CDKAL1: variants seen among roughly 807,000 people sequenced by gnomAD.
CDKAL1 encodes CDKAL1 threonylcarbamoyladenosine tRNA methylthiotransferase.
CDKAL1 carries 32 observed loss-of-function variants against 68.2 expected under a neutral mutation model. That is an observed-to-expected ratio of 0.47 (90% confidence interval 0.35 to 0.63). CDKAL1 has a LOEUF of 0.63. CDKAL1 is among the 30% of genes least tolerant of loss of function. The pLI is 0.00. For synonymous variants in CDKAL1, 234 were observed against 244.3 expected, an observed-to-expected ratio of 0.96 and a Z score of 0.39; for missense variants, 606 against 696.7, an observed-to-expected ratio of 0.87 and a Z score of 1.47.
intron 13 of CDKAL1, among the ~76,000 whole-genome samples, chr6:21,183,956 G>A (rs1198123060): frequency 6.6e-6 from 1 of 151,892 alleles, no homozygotes; most frequent in East Asian, 1.9e-4. Flanking sequence ...GCCATGAGAG[G>A]AAGCAGGGAC....
chr6:20,840,056 G>A (rs1234686032), intron 8 of CDKAL1, among the ~76,000 whole-genome samples: 1 of 152,180 alleles, frequency 6.6e-6, no homozygotes, highest in African/African-American at 2.4e-5. Flanking sequence ...AGTACAATTG[G>A]TGATAAAGGA....
chr6:20,644,720 G>T lies in CDKAL1; in HGVS notation c.287-4573G>T, dbSNP rs183374343. On this transcript the variant is annotated intron_variant, in intron 4 of 15. Transcript: ENST00000274695. ...CAAAAAAAAGAATCTCCTATGTTCAGCGGGAAAGGAATATTTGTTGGGTGG... is the reference window on the plus strand; with the variant it reads ...CAAAAAAAAGAATCTCCTATGTTCATCGGGAAAGGAATATTTGTTGGGTGG... 4.4e-3 allele frequency among the ~76,000 whole-genome samples: 669 copies of T among 152,250 alleles called. 5 individuals carry two copies. The highest frequency in any genetic ancestry group is 0.015 in the African/African-American group (635 of 41,550).
chr6:20,597,159 C>T (rs893805956), intron 4 of CDKAL1, among the ~76,000 whole-genome samples: 4 of 152,124 alleles, frequency 2.6e-5, no homozygotes, highest in South Asian at 2.1e-4. Flanking sequence ...GACGGAGTCT[C>T]GCTTTGTCGC....
Position 20,539,674 on chromosome 6 carries a change from G to A in CDKAL1, c.-6+4280G>A, listed in dbSNP as rs559316167. On this transcript the variant is annotated intron_variant, in intron 2 of 15. Transcript: ENST00000274695. The surrounding 1 kb of genome is among the most constrained non-coding windows in gnomAD (Gnocchi z 4.3). Reference sequence around the variant, plus strand: ...CAAAGCCTGCATGACTGAGGGGAGCGTGGTAGGAAGTGGGGCCAGAGATGC... The same window carrying A: ...CAAAGCCTGCATGACTGAGGGGAGCATGGTAGGAAGTGGGGCCAGAGATGC... 7.2e-5 allele frequency among the ~76,000 whole-genome samples: 11 copies of A among 152,266 alleles called. No individual in the cohort carries two copies. In the East Asian group the frequency reaches 7.7e-4, roughly 11 times the overall value.
chr6:20,655,735 G>A (rs550170452), intron 5 of CDKAL1, among the ~76,000 whole-genome samples: 40 of 152,194 alleles, frequency 2.6e-4, no homozygotes, highest in East Asian at 1.9e-4. Context: ...CCATGAAGCC[G>A]GTTCTTGGTG....
intron 12 of CDKAL1, among the ~76,000 whole-genome samples, chr6:21,089,807 G>A (rs1772903143): frequency 6.6e-6 from 1 of 152,224 alleles, no homozygotes; most frequent in African/African-American, 2.4e-5. Context: ...TATAAGCCAG[G>A]TTAAGGTCTG....
chr6:20,914,158 C>G lies in CDKAL1; in HGVS notation c.743-41261C>G, dbSNP rs932824225. ...CAAAAAAATTAGCTGGGCGTGGTGG[C>G]AGGCGCCTGTAGTCCCAGCTACTCG... On this transcript the variant is annotated intron_variant, in intron 9 of 15. Coordinates refer to ENST00000274695, the MANE Select transcript of CDKAL1 (RefSeq NM_017774.3). 1.3e-4 allele frequency among the ~76,000 whole-genome samples: 19 copies of G among 151,862 alleles called. No homozygotes were observed. The South Asian group carries it at 2.1e-3, about 17-fold the overall frequency.
At chr6:20,791,001 A>G (rs1221991527) in intron 8 of CDKAL1, among the ~76,000 whole-genome samples, 2 of 152,188 alleles carry the variant, frequency 1.3e-5, no homozygotes, top group East Asian at 3.8e-4. Flanking sequence ...ATCAGAGGGA[A>G]GTGTGCCAAA....
intron 4 of CDKAL1, among the ~76,000 whole-genome samples, chr6:20,575,118 T>A (rs1386572787): frequency 1.3e-5 from 2 of 151,956 alleles, no homozygotes; most frequent in Admixed American, 1.3e-4. Flanking sequence ...AAAAATAAAG[T>A]TAGGACATTT....
intron 9 of CDKAL1, among the ~76,000 whole-genome samples, chr6:20,906,243 TTTTAA>T (rs1331043197): frequency 6.6e-6 from 1 of 152,196 alleles, no homozygotes; most frequent in African/African-American, 2.4e-5. Flanking sequence ...AGTTTTTTTT[TTTTAA>T]TTTATGTTTT....
At chr6:20,640,942 G>A (rs1768144679) in intron 4 of CDKAL1, among the ~76,000 whole-genome samples, 1 of 152,030 alleles carries the variant, frequency 6.6e-6, no homozygotes, top group Non-Finnish European at 1.5e-5. Context: ...ATATATAATA[G>A]GTACTCAATA....
intron 9 of CDKAL1, among the ~76,000 whole-genome samples, chr6:20,895,478 G>A (rs1279887681): frequency 6.6e-6 from 1 of 152,006 alleles, no homozygotes; most frequent in Admixed American, 6.6e-5. Context: ...TTCCCCATAC[G>A]CTTGCTCAGC....
intron 13 of CDKAL1, among the ~76,000 whole-genome samples, chr6:21,109,597 T>C (rs879715497): frequency 4.6e-5 from 7 of 152,246 alleles, no homozygotes; most frequent in Non-Finnish European, 1.0e-4. Context: ...AGTTACATTT[T>C]TCAAGCTAAA....
At chr6:20,671,005 TTTTATA>T (rs1769787611) in intron 5 of CDKAL1, among the ~76,000 whole-genome samples, 1 of 152,158 alleles carries the variant, frequency 6.6e-6, no homozygotes, top group Non-Finnish European at 1.5e-5. Context: ...GCTTATTGAT[TTTTATA>T]TTATTGGAGG....
At chr6:20,597,787 AT>A (rs1374592489) in intron 4 of CDKAL1, among the ~76,000 whole-genome samples, 9 of 152,246 alleles carry the variant, frequency 5.9e-5, no homozygotes, top group African/African-American at 2.2e-4. Flanking sequence ...CCGGATACCC[AT>A]TTTCCTTTTT....
intron 9 of CDKAL1, among the ~76,000 whole-genome samples, chr6:20,918,925 T>G (rs182873529): frequency 6.6e-6 from 1 of 152,330 alleles, no homozygotes; most frequent in Admixed American, 6.5e-5. Context: ...AACAGCAATA[T>G]TGTGCTTATC....
intron 10 of CDKAL1, among the ~76,000 whole-genome samples, chr6:20,974,148 C>T (rs1765729636): frequency 6.6e-6 from 1 of 152,190 alleles, no homozygotes; most frequent in Non-Finnish European, 1.5e-5. Context: ...TGCCTTCCCT[C>T]TCTAGGTCTA....
chr6:21,165,751 A>G lies in CDKAL1; in HGVS notation c.1300-32270A>G, dbSNP rs572823296. Among the ~76,000 whole-genome samples, 10 of 152,312 alleles carry G rather than the reference A, an allele frequency of 6.6e-5. No homozygotes were observed. The South Asian group carries it at 1.0e-3, about 16-fold the overall frequency. Reference sequence around the variant, plus strand: ...TCTTACTGCCTGAGTCAAGGAGGCTACTAGGAGAGTCTGTACTCTGCGATG... The same window carrying G: ...TCTTACTGCCTGAGTCAAGGAGGCTGCTAGGAGAGTCTGTACTCTGCGATG... On this transcript the variant is annotated intron_variant, in intron 13 of 15. Coordinates refer to ENST00000274695, the MANE Select transcript of CDKAL1 (RefSeq NM_017774.3).
chr6:20,688,671 A>T (rs1277060279), intron 5 of CDKAL1, among the ~76,000 whole-genome samples: 1 of 151,740 alleles, frequency 6.6e-6, no homozygotes. Flanking sequence ...CATTTTTTCC[A>T]TTGGCACCCA....
Sources: gnomAD v4.1 joint callset for allele counts (sites outside exome capture counted in the v4.1 genomes callset) on GRCh38, gnomAD v4.1.1 for gene constraint, Gnocchi (gnomAD v3.1) non-coding constraint, MANE v1.5 for transcripts, NCBI Gene and HGNC (gene_info 2026-07-23, HGNC 2026-07-21) for gene names.